TENM2: variants seen among roughly 807,000 people sequenced by gnomAD.
TENM2 encodes the protein teneurin-2.
Under a neutral mutation model 245.2 loss-of-function variants are expected in TENM2, and 52 were observed. The observed-to-expected ratio is 0.21, with a 90% CI of 0.17 to 0.27. The LOEUF is 0.27. Among genes scored for constraint, TENM2 ranks in the 10% least tolerant of loss-of-function variants. The probability of loss-of-function intolerance (pLI) is 1.00; values close to 1 mark genes in which losing one functional copy is unlikely to be tolerated. For synonymous variants in TENM2, 1,363 were observed against 1,438.9 expected (o/e 0.95, Z 1.19); for missense variants, 3,046 against 3,666.8 (o/e 0.83, Z 4.37).
At position 168,262,370 on chromosome 5, in the gene TENM2, G is replaced by A. The variant is rs778556497; in HGVS notation, c.7885G>A (p.Gly2629Ser). The change falls in exon 29 of 29, where the codon GGC (glycine) becomes AGC (serine). Residue 2629 changes from glycine (G) to serine (S), a missense_variant. Physicochemically the swap from Gly to Ser is moderately conservative, Grantham distance 56. This residue lies in a region of TENM2 where 2,704 missense variants were observed against 3,331.9 expected (regional missense o/e 0.81). Coordinates refer to ENST00000518659, the Ensembl canonical transcript of TENM2. The stretch of plus-strand genomic sequence containing the variant: ...CTTTGTGAAGATTGGCTCAGCCGAT[G>A]GCGACCTGGTCACACTAGGCACCAC... 77 of 1,602,638 alleles carry A rather than the reference G, an allele frequency of 4.8e-5. No homozygotes were observed. In the South Asian group the frequency reaches 8.0e-4, roughly 17 times the overall value.
At chr5:167,484,014 T>A (rs1014435150) in intron 2 of TENM2, among the ~76,000 whole-genome samples, 6 of 152,148 alleles carry the variant, frequency 3.9e-5, no homozygotes, top group African/African-American at 1.4e-4. Flanking sequence ...CATGTACATA[T>A]ATGTATGTCT....
chr5:167,444,047 T>C (rs901165509), intron 2 of TENM2, among the ~76,000 whole-genome samples: 3 of 152,236 alleles, frequency 2.0e-5, no homozygotes, highest in Admixed American at 6.5e-5. Context: ...TTATATTTTA[T>C]ATTTCCTTAA....
chr5:167,070,345 G>A, the TENM2 span, among the ~76,000 whole-genome samples: 1 of 143,494 alleles, frequency 7.0e-6, no homozygotes, highest in Non-Finnish European at 1.5e-5. Flanking sequence ...TAGCCAGGAT[G>A]GTCTCGGTCT....
At chr5:168,221,844 G>T (rs532478960) in intron 23 of TENM2, among the ~76,000 whole-genome samples, 1 of 152,242 alleles carries the variant, frequency 6.6e-6, no homozygotes, top group African/African-American at 2.4e-5. Flanking sequence ...AGGATGACAG[G>T]GGTGTGGAGT....
intron 1 of TENM2, among the ~76,000 whole-genome samples, chr5:167,356,215 AAAAAAATTAAAATT>A: frequency 7.1e-6 from 1 of 140,320 alleles, no homozygotes; most frequent in Non-Finnish European, 1.5e-5. Context: ...AAAAAAAAAA[AAAAAAATTAAAATT>A]AAAAAAAAGG....
chr5:167,701,409 T>TA (rs1203910199), intron 2 of TENM2, among the ~76,000 whole-genome samples: 2 of 150,956 alleles, frequency 1.3e-5, no homozygotes, highest in African/African-American at 2.4e-5. Context: ...TTTTTTTTTT[T>TA]ACATCAGTTT....
intron 6 of TENM2, among the ~76,000 whole-genome samples, chr5:168,048,320 G>C (rs567257238): frequency 6.6e-6 from 1 of 152,108 alleles, no homozygotes; most frequent in Non-Finnish European, 1.5e-5. Context: ...CTTAATTCGG[G>C]ATGGAAATCG....
chr5:167,161,174 C>T, the TENM2 span, among the ~76,000 whole-genome samples: 2 of 152,182 alleles, frequency 1.3e-5, no homozygotes, highest in South Asian at 2.1e-4. Context: ...TGCATTGTGA[C>T]TCTCCAAAAA....
intron 2 of TENM2, among the ~76,000 whole-genome samples, chr5:167,500,390 A>T (rs1345700490): frequency 1.3e-5 from 2 of 152,126 alleles, no homozygotes; most frequent in Non-Finnish European, 2.9e-5. Flanking sequence ...TGAAGGCATG[A>T]TCTGTATGCT....
At chr5:167,612,043 C>T (rs1221319942) in intron 2 of TENM2, among the ~76,000 whole-genome samples, 3 of 152,112 alleles carry the variant, frequency 2.0e-5, no homozygotes, top group Non-Finnish European at 4.4e-5. Flanking sequence ...AAGTCTGTCT[C>T]GCTGTTCATT....
At chr5:167,913,274 G>T (rs2151591221) in intron 3 of TENM2, among the ~76,000 whole-genome samples, 1 of 152,300 alleles carries the variant, frequency 6.6e-6, no homozygotes, top group South Asian at 2.1e-4. Context: ...ATTTCAGTGT[G>T]TTGACTTTGT....
At chr5:167,459,911 A>AACACAC (rs57053799) in intron 2 of TENM2, among the ~76,000 whole-genome samples, 27,848 of 149,534 alleles carry the variant, frequency 0.19, 2,774 homozygotes, top group South Asian at 0.22. Flanking sequence ...TATAAAGATA[A>AACACAC]ACACACACAC....
chr5:167,411,390 TG>T (rs1414212259), intron 2 of TENM2, among the ~76,000 whole-genome samples: 1 of 152,076 alleles, frequency 6.6e-6, no homozygotes, highest in African/African-American at 2.4e-5. Context: ...CCACTTTAAT[TG>T]TGAAGCATAA....
At chr5:167,876,084 C>T (rs1232203299) in exon 3 of TENM2, 12 of 1,551,334 alleles carry the variant, frequency 7.7e-6, no homozygotes, top group Non-Finnish European at 9.6e-6. Context: ...GATGCCATTG[C>T]TAGACAGCAA....
At chr5:168,030,809 A>G (rs1345489300) in intron 5 of TENM2, among the ~76,000 whole-genome samples, 2 of 152,170 alleles carry the variant, frequency 1.3e-5, no homozygotes, top group African/African-American at 2.4e-5. Flanking sequence ...AGAAAATACT[A>G]TTGCCATCTA....
intron 12 of TENM2, among the ~76,000 whole-genome samples, chr5:168,146,191 G>T (rs1756060528): frequency 6.6e-6 from 1 of 151,806 alleles, no homozygotes; most frequent in Non-Finnish European, 1.5e-5. Flanking sequence ...CTGCCTAATT[G>T]CCCTGGCCAG....
chr5:168,251,208 C>T (rs1767085612), intron 27 of TENM2, among the ~76,000 whole-genome samples: 2 of 152,240 alleles, frequency 1.3e-5, no homozygotes, highest in South Asian at 4.1e-4. Context: ...GCTGAACAGA[C>T]ATGTCCCGCT....
At chr5:167,552,059 A>C (rs370466720) in intron 2 of TENM2, among the ~76,000 whole-genome samples, 1 of 152,214 alleles carries the variant, frequency 6.6e-6, no homozygotes, top group East Asian at 1.9e-4. Context: ...CCTGCAATAA[A>C]TCACTTAAGT....
At chr5:167,789,940 T>C (rs190526890) in intron 2 of TENM2, among the ~76,000 whole-genome samples, 61 of 152,310 alleles carry the variant, frequency 4.0e-4, no homozygotes, top group African/African-American at 1.4e-3. Context: ...TTATTGTCAT[T>C]ATACAATTTT....
Sources: allele counts gnomAD v4.1 joint callset (sites outside exome capture counted in the v4.1 genomes callset), GRCh38; gene constraint gnomAD v4.1.1; regional missense constraint gnomAD v4.1.1; transcripts MANE v1.5; gene names NCBI Gene and HGNC (gene_info 2026-07-23, HGNC 2026-07-21).